Variants in MED15 observed in about 807,000 individuals in gnomAD.
MED15 encodes the protein mediator complex subunit 15, also known as mediator of RNA polymerase II transcription subunit 15.
Under a neutral mutation model 118.7 loss-of-function variants are expected in MED15, and 41 were observed. That is an observed-to-expected ratio of 0.35 (90% CI 0.27 to 0.45). MED15 has a LOEUF of 0.45. MED15 is among the 20% of genes least tolerant of loss of function. The pLI, the probability that MED15 is intolerant of heterozygous loss-of-function variation, is 1.00. For synonymous variants in MED15, 436 were observed against 413.9 expected (o/e 1.05, Z -0.65); for missense variants, 740 against 1,025.5 (o/e 0.72, Z 3.80).
intron 1 of MED15, among the ~76,000 whole-genome samples, chr22:20,524,648 G>A (rs571851088): frequency 5.3e-5 from 8 of 152,294 alleles, no homozygotes; most frequent in Admixed American, 2.0e-4. Context: ...TTGAGACGGA[G>A]TCTAGCTCTG....
At chr22:20,539,585 T>G (rs2055210519) in intron 2 of MED15, among the ~76,000 whole-genome samples, 1 of 152,228 alleles carries the variant, frequency 6.6e-6, no homozygotes, top group Non-Finnish European at 1.5e-5. Flanking sequence ...TCATTTCTCT[T>G]GGGTATATAC....
At position 20,546,589 on chromosome 22, in the gene MED15, A is replaced by G. The variant is rs369510812; in HGVS notation, c.157-4847A>G. On this transcript the variant is annotated intron_variant, in intron 2 of 17. Transcript: ENST00000263205. ...TTGTTTGAAACCCTGTGTGTTCAGG[A>G]CCTCCAGGAATGCTGTTTTTCTGAT... is the stretch of plus-strand genomic sequence containing the variant. Among the ~76,000 whole-genome samples the G allele has an allele frequency of 2.3e-4, 31 of 136,702 alleles. No individual in the cohort carries two copies. The East Asian group carries it at 5.5e-3, about 24-fold the overall frequency. 89.7% of individuals were successfully genotyped at this position (136,702 alleles called of 152,430 possible).
In MED15 at chr22:20,583,192, G is replaced by T. The variant is rs1342194095; in HGVS notation, c.1617G>T (p.Leu539=). The T allele has an allele frequency of 1.7e-5, 28 of 1,611,734 alleles. No individual in the cohort carries two copies. The highest frequency in any genetic ancestry group is 2.2e-5 in the Non-Finnish European group (26 of 1,179,278). ...EQQYLDKLKQ[L]SKYIEPLRRM... ...AGTACCTGGACAAGCTGAAGCAGCT[G>T]TCGAAGTACATCGAGCCCCTGCGCC... The change falls in exon 12 of 18, where the codon CTG becomes CTT. Residue 539 remains leucine (L), a synonymous_variant. Transcript: ENST00000263205.
At chr22:20,564,415 C>CTG in intron 5 of MED15, 35 bp from the exon 6 acceptor site, 1 of 1,612,330 alleles carries the variant, frequency 6.2e-7, no homozygotes, top group Non-Finnish European at 8.5e-7. Context: ...GGAATCTGCC[C>CTG]TGTGGACTGA....
intron 9 of MED15, among the ~76,000 whole-genome samples, chr22:20,577,729 C>A (rs2146651154): frequency 6.6e-6 from 1 of 151,956 alleles, no homozygotes; most frequent in African/African-American, 2.4e-5. Flanking sequence ...CAGGCCCCGC[C>A]CATTCGCACT....
chr22:20,550,631 G>A (rs2055730832), intron 2 of MED15, among the ~76,000 whole-genome samples: 1 of 152,254 alleles, frequency 6.6e-6, no homozygotes. Flanking sequence ...AGAAGGATGG[G>A]CACTTCAGCA....
intron 1 of MED15, among the ~76,000 whole-genome samples, chr22:20,512,866 C>T (rs569085144): frequency 6.6e-5 from 10 of 151,344 alleles, no homozygotes; most frequent in Middle Eastern, 3.4e-3. Context: ...CTCAGCCTCC[C>T]GAATAGCTGG....
In MED15 at chr22:20,525,246, G is replaced by A. The variant is rs9612183; in HGVS notation, c.69-11871G>A. On this transcript the variant is annotated intron_variant, in intron 1 of 17. Transcript: ENST00000263205. Reference sequence around the variant, plus strand: ...TCGGAGGCTGCAGTGAGCTGATTGCGCCACCATACTCCACCCTGGGCAACA... The same window carrying A: ...TCGGAGGCTGCAGTGAGCTGATTGCACCACCATACTCCACCCTGGGCAACA... Among the ~76,000 whole-genome samples the A allele has an allele frequency of 1.6e-3, 236 of 152,174 alleles. 1 individual carries two copies. Among genetic ancestry groups the A allele is most frequent in the African/African-American group, 4.6e-3 (191 of 41,546 alleles).
intron 1 of MED15, among the ~76,000 whole-genome samples, chr22:20,530,750 A>AG (rs141160674): frequency 0.084 from 12,724 of 152,084 alleles, 804 homozygotes; most frequent in Non-Finnish European, 0.12. Context: ...TGCCTGTGTG[A>AG]GTGTCCTTCT....
At chr22:20,554,052 C>T (rs562031281) in intron 4 of MED15, among the ~76,000 whole-genome samples, 17 of 152,352 alleles carry the variant, frequency 1.1e-4, no homozygotes, top group Non-Finnish European at 1.6e-4. Context: ...GGCTGCACGC[C>T]ACTGTCTGCC....
At chr22:20,520,844 A>G (rs996810179) in intron 1 of MED15, among the ~76,000 whole-genome samples, 27 of 152,042 alleles carry the variant, frequency 1.8e-4, no homozygotes, top group African/African-American at 5.3e-4. Flanking sequence ...GGCTCAAGCA[A>G]TCTTCCCACC....
chr22:20,549,745 G>A (rs1479503712), intron 2 of MED15, among the ~76,000 whole-genome samples: 1 of 152,100 alleles, frequency 6.6e-6, no homozygotes, highest in Non-Finnish European at 1.5e-5. Context: ...GCCTCCTCAC[G>A]CTGGTCTGGT....
chr22:20,564,609 TGCAGCAGCAGCAGCAGCTCCAGCAGCA>T lies in MED15; in HGVS notation c.629_655del (p.Leu210_Gln218del), dbSNP rs763835447. On this transcript the variant is annotated inframe_deletion, in exon 6 of 18. Coordinates refer to ENST00000263205, the MANE Select transcript of MED15 (RefSeq NM_001003891.3). ...ATGCAGCAGCAGTTCCAAGCAGTAG[TGCAGCAGCAGCAGCAGCTCCAGCAGCA>T]GCAGCAGCAGCAGCAGCATCTAATT... The T allele has an allele frequency of 1.3e-4, 217 of 1,608,030 alleles. No individual in the cohort carries two copies. In the African/African-American group the frequency reaches 2.5e-3, roughly 18 times the overall value.
chr22:20,566,565 T>TTTG lies in MED15; in HGVS notation c.790_792dup (p.Leu264dup). 1 of 1,604,846 alleles carries TTTG rather than the reference T, an allele frequency of 6.2e-7. No individual in the cohort carries two copies. Reference sequence around the variant, plus strand: ...AGCAGCAGCAGCAGCAGCAGCAGGCTTTGCAGGCCCAGCCACCAATTCAGC... The same window carrying TTTG: ...AGCAGCAGCAGCAGCAGCAGCAGGCTTTGTTGCAGGCCCAGCCACCAATTCAGC... On this transcript the variant is annotated inframe_insertion, in exon 7 of 18. Transcript: ENST00000263205.
At chr22:20,573,477 T>C (rs1244337122) in intron 8 of MED15, among the ~76,000 whole-genome samples, 1 of 152,174 alleles carries the variant, frequency 6.6e-6, no homozygotes, top group Non-Finnish European at 1.5e-5. Context: ...GCTGGACCCT[T>C]CTGCACAGTG....
intron 1 of MED15, among the ~76,000 whole-genome samples, chr22:20,513,528 C>T (rs1434452716): frequency 2.0e-5 from 3 of 152,174 alleles, no homozygotes; most frequent in East Asian, 1.9e-4. Flanking sequence ...CCACCTGCCT[C>T]GGCCTCCCAA....
intron 2 of MED15, among the ~76,000 whole-genome samples, chr22:20,539,737 A>G (rs2055217103): frequency 6.6e-6 from 1 of 152,158 alleles, no homozygotes; most frequent in Non-Finnish European, 1.5e-5. Flanking sequence ...CATCCTCTCC[A>G]ATACTTGTTA....
chr22:20,538,485 A>G (rs1156879528), intron 2 of MED15, among the ~76,000 whole-genome samples: 1 of 152,008 alleles, frequency 6.6e-6, no homozygotes, highest in Non-Finnish European at 1.5e-5. Context: ...CCTGATCTCA[A>G]GCTATCCCCA....
chr22:20,533,830 C>T (rs1399989558), intron 1 of MED15, among the ~76,000 whole-genome samples: 1 of 152,198 alleles, frequency 6.6e-6, no homozygotes, highest in Non-Finnish European at 1.5e-5. Flanking sequence ...ATGGTGCCAC[C>T]TTGCCTTCAG....
Sources: allele counts gnomAD v4.1 joint callset (sites outside exome capture counted in the v4.1 genomes callset), GRCh38; gene constraint gnomAD v4.1.1; transcripts MANE v1.5; gene names NCBI Gene and HGNC (gene_info 2026-07-23, HGNC 2026-07-21).